PDK1: variants seen among roughly 807,000 people sequenced by gnomAD.
PDK1 encodes the protein pyruvate dehydrogenase kinase 1, also known as [Pyruvate dehydrogenase (acetyl-transferring)] kinase isozyme 1, mitochondrial.
A neutral mutation model predicts 54.2 loss-of-function variants in PDK1; 39 were observed. The observed-to-expected ratio is 0.72, with a 90% CI of 0.56 to 0.94. The LOEUF (loss-of-function observed/expected upper bound fraction) is 0.94, where lower values mean the gene tolerates loss of function less well. PDK1 is among the 40% of genes least tolerant of loss of function. The probability of loss-of-function intolerance (pLI) is 0.00; values close to 1 mark genes in which losing one functional copy is unlikely to be tolerated. For synonymous variants in PDK1, 221 were observed against 207.1 expected (o/e 1.07, Z -0.58); for missense variants, 552 against 566.0 (o/e 0.98, Z 0.25).
chr2:172,677,872 A>G, the PDK1 span, among the ~76,000 whole-genome samples: 1 of 152,222 alleles, frequency 6.6e-6, no homozygotes, highest in African/African-American at 2.4e-5. Context: ...GGGAGGATGA[A>G]TAAAAGGGAA....
chr2:172,560,889 GTC>G (rs1688620800), intron 2 of PDK1, among the ~76,000 whole-genome samples: 1 of 152,168 alleles, frequency 6.6e-6, no homozygotes, highest in Admixed American at 6.5e-5. Context: ...CCAGAGTTAA[GTC>G]TTAAATGGAA....
chr2:172,684,251 T>C, the PDK1 span, among the ~76,000 whole-genome samples: 1 of 152,008 alleles, frequency 6.6e-6, no homozygotes, highest in East Asian at 1.9e-4. Flanking sequence ...TGAAACTCCG[T>C]CTCTACAAAA....
the PDK1 span, among the ~76,000 whole-genome samples, chr2:172,698,821 G>C: frequency 6.6e-6 from 1 of 152,204 alleles, no homozygotes; most frequent in African/African-American, 2.4e-5. Flanking sequence ...CCAAGACCAA[G>C]TAAATGAGAA....
chr2:172,562,940 G>A (rs1688735248), intron 3 of PDK1: 1 of 691,828 alleles, frequency 1.4e-6, no homozygotes. Flanking sequence ...AGTTACACAT[G>A]TTTTTTGGAC....
chr2:172,676,946 ACCAT>A, the PDK1 span, among the ~76,000 whole-genome samples: 7 of 152,330 alleles, frequency 4.6e-5, no homozygotes, highest in Middle Eastern at 3.4e-3. Context: ...TTGAGGCAAG[ACCAT>A]CCACCAGCAA....
At chr2:172,624,562 C>T in the PDK1 span, among the ~76,000 whole-genome samples, 5,788 of 152,200 alleles carry the variant, frequency 0.038, 166 homozygotes, top group South Asian at 0.15. Flanking sequence ...TCCATGAAAC[C>T]AGTCCCTGGT....
At chr2:172,676,756 TGAAA>T in the PDK1 span, among the ~76,000 whole-genome samples, 1 of 152,232 alleles carries the variant, frequency 6.6e-6, no homozygotes, top group African/African-American at 2.4e-5. Flanking sequence ...GCTCCAATTT[TGAAA>T]GAAGTTATAT....
chr2:172,625,711 T>G, the PDK1 span, among the ~76,000 whole-genome samples: 1 of 152,220 alleles, frequency 6.6e-6, no homozygotes, highest in Non-Finnish European at 1.5e-5. Flanking sequence ...GGAGCACTTA[T>G]GACACCTTAT....
chr2:172,588,908 C>T (rs1690412944), intron 9 of PDK1, among the ~76,000 whole-genome samples: 2 of 152,222 alleles, frequency 1.3e-5, no homozygotes, highest in African/African-American at 2.4e-5. Flanking sequence ...CTTAACAAGC[C>T]AGCCACTTGT....
chr2:172,637,984 T>G, the PDK1 span, among the ~76,000 whole-genome samples: 1 of 152,170 alleles, frequency 6.6e-6, no homozygotes, highest in Non-Finnish European at 1.5e-5. Context: ...TGTGAGCCAC[T>G]GCACCCAGCC....
At chr2:172,618,433 T>G in the PDK1 span, among the ~76,000 whole-genome samples, 2 of 152,210 alleles carry the variant, frequency 1.3e-5, no homozygotes, top group Non-Finnish European at 1.5e-5. Context: ...CAATAAAGAT[T>G]AAAACATTCC....
intron 2 of PDK1, among the ~76,000 whole-genome samples, chr2:172,560,872 G>A (rs1688619392): frequency 6.6e-6 from 1 of 152,182 alleles, no homozygotes; most frequent in African/African-American, 2.4e-5. Context: ...TCAAACAAAT[G>A]AGTTGCCCAG....
At chr2:172,585,775 T>C (rs921870859) in intron 8 of PDK1, among the ~76,000 whole-genome samples, 1 of 152,138 alleles carries the variant, frequency 6.6e-6, no homozygotes, top group African/African-American at 2.4e-5. Context: ...ATGGAGTTTA[T>C]GTATTAGAGT....
chr2:172,616,233 C>A, the PDK1 span, among the ~76,000 whole-genome samples: 1 of 152,064 alleles, frequency 6.6e-6, no homozygotes, highest in Non-Finnish European at 1.5e-5. Flanking sequence ...AACTTGTGAC[C>A]TAAAACTCTA....
chr2:172,624,011 G>T, the PDK1 span, among the ~76,000 whole-genome samples: 1 of 152,106 alleles, frequency 6.6e-6, no homozygotes, highest in African/African-American at 2.4e-5. Flanking sequence ...TGGTATTAGA[G>T]CCTTTCTTTC....
chr2:172,645,364 G>A, the PDK1 span, among the ~76,000 whole-genome samples: 2 of 128,354 alleles, frequency 1.6e-5, no homozygotes, highest in African/African-American at 5.8e-5. Flanking sequence ...TCTGCCTCCC[G>A]GGTTCAAGCG....
At position 172,608,653 on chromosome 2, in the gene PDK1, C is replaced by G. The variant is rs1163028141; in HGVS notation, c.*12684C>G. The G allele has an allele frequency of 6.6e-6, 1 of 151,960 alleles. No homozygotes were observed. The highest frequency in any genetic ancestry group is 2.4e-5 in the African/African-American group (1 of 41,374). The allele number at this position is 151,960 out of a possible 1,614,324, so 9.4% of individuals were successfully genotyped here. A position where few individuals can be genotyped will look rare whatever the true frequency, so the allele number is the denominator to read the frequency against. ...CATTTTCTTCTGTTTGATTAAAATCCTGCATGTTCTCCTGCATCATATGTC... is the reference window on the plus strand; with the variant it reads ...CATTTTCTTCTGTTTGATTAAAATCGTGCATGTTCTCCTGCATCATATGTC... On this transcript the variant is annotated 3_prime_UTR_variant, in exon 11 of 11. Coordinates refer to ENST00000282077, the MANE Select transcript of PDK1 (RefSeq NM_002610.5).
At chr2:172,686,982 A>T in the PDK1 span, among the ~76,000 whole-genome samples, 1 of 152,188 alleles carries the variant, frequency 6.6e-6, no homozygotes, top group Non-Finnish European at 1.5e-5. Context: ...AGAATAACAT[A>T]TGCACTACTG....
the PDK1 span, among the ~76,000 whole-genome samples, chr2:172,632,102 C>CCCGT: frequency 1.3e-5 from 2 of 151,778 alleles, no homozygotes; most frequent in Admixed American, 6.6e-5. Context: ...ATGGTGAAAC[C>CCCGT]CCGTCTACTA....
Sources: allele counts gnomAD v4.1 joint callset (sites outside exome capture counted in the v4.1 genomes callset), GRCh38; gene constraint gnomAD v4.1.1; transcripts MANE v1.5; gene names NCBI Gene and HGNC (gene_info 2026-07-23, HGNC 2026-07-21).